Variants in RBL2 observed in about 807,000 individuals in gnomAD.
RBL2 encodes RB transcriptional corepressor like 2, also known as retinoblastoma-like protein 2.
In RBL2, 56 loss-of-function variants were observed where a neutral mutation model predicts 126.0. The observed-to-expected ratio is 0.44, with a 90% CI of 0.36 to 0.56. RBL2 has a LOEUF of 0.56. Among genes scored for constraint, RBL2 ranks in the 20% least tolerant of loss-of-function variants. The probability of loss-of-function intolerance (pLI) is 0.00; values close to 1 mark genes in which losing one functional copy is unlikely to be tolerated. For missense variants in RBL2, 1,229 were observed against 1,398.2 expected (o/e 0.88, Z 1.93); for synonymous variants, 454 against 478.5 (o/e 0.95, Z 0.67).
At chr16:53,461,662 GT>G in intron 9 of RBL2, 78 bp from the exon 10 acceptor site, 1 of 982,296 alleles carries the variant, frequency 1.0e-6, no homozygotes, top group Non-Finnish European at 1.5e-6. Flanking sequence ...TTACATGTTA[GT>G]GAAATTATAG....
chr16:53,469,874 C>A, intron 14 of RBL2, 42 bp from the exon 15 acceptor site: 2 of 1,497,824 alleles, frequency 1.3e-6, no homozygotes, highest in South Asian at 1.4e-5. Flanking sequence ...AGATCTGAGT[C>A]TCCTTGAGTT....
At chr16:53,486,209 G>A (rs1961169726) in intron 21 of RBL2, among the ~76,000 whole-genome samples, 1 of 151,984 alleles carries the variant, frequency 6.6e-6, no homozygotes. Context: ...GCTGAGGTGG[G>A]AGGGTTGCTA....
intron 8 of RBL2, among the ~76,000 whole-genome samples, chr16:53,458,407 C>A (rs1003291668): frequency 4.6e-5 from 7 of 152,154 alleles, no homozygotes; most frequent in Admixed American, 4.6e-4. Flanking sequence ...TATTTATTGT[C>A]AAGAATGTTG....
chr16:53,475,835 CTTTTTTTTTTTTTT>C (rs10540773), intron 17 of RBL2, among the ~76,000 whole-genome samples: 3 of 76,422 alleles, frequency 3.9e-5, no homozygotes, highest in East Asian at 7.0e-4. Flanking sequence ...ATTTCAATAT[CTTTTTTTTTTTTTT>C]TTTTTTTTTT....
intron 7 of RBL2, 96 bp downstream of exon 7, chr16:53,453,865 AG>A (rs2058140265): frequency 8.9e-7 from 1 of 1,120,330 alleles, no homozygotes; most frequent in Non-Finnish European, 1.3e-6. Flanking sequence ...CTGGAAACTG[AG>A]AATATGTTTT....
chr16:53,472,313 T>C (rs1960551400), intron 17 of RBL2, among the ~76,000 whole-genome samples: 1 of 152,198 alleles, frequency 6.6e-6, no homozygotes, highest in Non-Finnish European at 1.5e-5. Context: ...GGTGATACTA[T>C]GTTTAACTTT....
At chr16:53,470,339 C>A (rs755279935) in intron 15 of RBL2, 44 bp from the exon 16 acceptor site, 10 of 1,596,090 alleles carry the variant, frequency 6.3e-6, no homozygotes, top group Non-Finnish European at 8.6e-6. Flanking sequence ...CGGAGAACCT[C>A]TTATTATCAA....
intron 10 of RBL2, 116 bp downstream of exon 10, chr16:53,461,966 A>G: frequency 1.2e-6 from 1 of 860,624 alleles, no homozygotes; most frequent in Non-Finnish European, 1.7e-6. Context: ...GAAGGCTAGG[A>G]TATGGCTGTC....
In RBL2 at chr16:53,461,770, T is replaced by C; in HGVS notation, c.1376T>C (p.Ile459Thr). 1.2e-6 allele frequency: 2 copies of C among 1,608,636 alleles called. No individual in the cohort carries two copies. Among genetic ancestry groups the C allele is most frequent in the Non-Finnish European group, 1.7e-6 (2 of 1,178,074 alleles). The change falls in exon 10 of 22, where the codon ATT (isoleucine) becomes ACT (threonine). Residue 459 changes from isoleucine to threonine, a missense_variant. Coordinates refer to ENST00000262133, the MANE Select transcript of RBL2 (RefSeq NM_005611.4). ...TGTTCCAGAGATCCAACCCAGGCTA[T>C]TGCTAACAGACTGAAAGAAATGTTT... The part of the protein sequence containing the change: ...RTCSRDPTQA[I>T]ANRLKEMFEI...
intron 13 of RBL2, 43 bp downstream of exon 13, chr16:53,465,645 A>G: frequency 7.1e-7 from 1 of 1,404,778 alleles, no homozygotes; most frequent in African/African-American, 1.5e-5. Context: ...ATACATCAAT[A>G]TCTAATCTAT....
intron 17 of RBL2, among the ~76,000 whole-genome samples, chr16:53,475,061 T>C (rs767782090): frequency 6.6e-6 from 1 of 152,370 alleles, no homozygotes; most frequent in East Asian, 1.9e-4. Context: ...GATCATCTGT[T>C]TCTTCTAGAA....
intron 17 of RBL2, among the ~76,000 whole-genome samples, chr16:53,472,698 C>T (rs78302218): frequency 0.025 from 3,862 of 152,210 alleles, 164 homozygotes; most frequent in African/African-American, 0.088. Context: ...TTCACTTACT[C>T]GATAGTGTCA....
rs1598134602 is a variant in RBL2, at chr16:53,484,594, A to G, written c.3249+2759A>G. On this transcript the variant is annotated intron_variant, in intron 21 of 21. Coordinates refer to ENST00000262133, the MANE Select transcript of RBL2 (RefSeq NM_005611.4). Reference sequence around the variant, plus strand: ...AAAGAAGCCAGTCACAAAAGAGAACATATTTTATGATTCCATTTATATGAG... The same window carrying G: ...AAAGAAGCCAGTCACAAAAGAGAACGTATTTTATGATTCCATTTATATGAG... Among the ~76,000 whole-genome samples, 4 of 152,370 alleles carry G rather than the reference A, an allele frequency of 2.6e-5. No individual in the cohort carries two copies. In the South Asian group the frequency reaches 6.2e-4, roughly 24 times the overall value.
chr16:53,439,203 A>G, intron 2 of RBL2, 57 bp downstream of exon 2: 4 of 1,385,202 alleles, frequency 2.9e-6, no homozygotes, highest in Non-Finnish European at 2.9e-6. Context: ...CATAAATCAT[A>G]GTGATAGTAA....
chr16:53,484,435 A>G (rs1425696967), intron 21 of RBL2, among the ~76,000 whole-genome samples: 3 of 152,196 alleles, frequency 2.0e-5, no homozygotes, highest in Admixed American at 6.5e-5. Context: ...GGACCAAACT[A>G]TATGTTGTTT....
Position 53,459,550 on chromosome 16 carries a change from A to G in RBL2, c.1279A>G (p.Ser427Gly), listed in dbSNP as rs950420281. ...AGTTTCTACAGCTACGCATAGCTTG[A>G]GTCGTCTTCACACCATGCTGACAGG... ...TPVSTATHSL[S>G]RLHTMLTGLR... is the part of the protein sequence containing the mutation. The change falls in exon 9 of 22, where the codon AGT (serine) becomes GGT (glycine). Residue 427 changes from serine to glycine, a missense_variant. Physicochemically the swap from Ser to Gly is moderately conservative, Grantham distance 56 (BLOSUM62 0). This residue lies in a region of RBL2 where 1,070 missense variants were observed against 1,274.3 expected (regional missense o/e 0.84). Coordinates refer to ENST00000262133, the MANE Select transcript of RBL2 (RefSeq NM_005611.4). 6.2e-7 allele frequency: 1 copy of G among 1,609,548 alleles called. No homozygotes were observed. Among genetic ancestry groups the G allele is most frequent in the African/African-American group, 1.3e-5 (1 of 74,536 alleles).
At chr16:53,461,438 G>A (rs952053955) in intron 9 of RBL2, among the ~76,000 whole-genome samples, 1 of 152,108 alleles carries the variant, frequency 6.6e-6, no homozygotes, top group African/African-American at 2.4e-5. Context: ...GTTGCAGTGA[G>A]CCAAGACTGC....
rs115120573 is a variant in RBL2, at chr16:53,449,789, G to A, written c.638-1914G>A. Among the ~76,000 whole-genome samples, 876 of 151,998 alleles carry A rather than the reference G, an allele frequency of 5.8e-3. 7 individuals carry two copies. Among genetic ancestry groups the A allele is most frequent in the African/African-American group, 0.02 (840 of 41,486 alleles). ...GGAGATGAAACATTTCTATTTACTT[G>A]TTATCTTTGTTGATTAAAAGATAAA... On this transcript the variant is annotated intron_variant, in intron 4 of 21. Coordinates refer to ENST00000262133, the MANE Select transcript of RBL2 (RefSeq NM_005611.4).
rs1960752262 is a variant in RBL2, at chr16:53,477,077, G to GTC, written c.2704-2076_2704-2075insCT. On this transcript the variant is annotated intron_variant, in intron 17 of 21. Coordinates refer to ENST00000262133, the MANE Select transcript of RBL2 (RefSeq NM_005611.4). ...TCATTTTGTGTGTGTGTGTGTGTGTGTGTGTAGTGGTTGCCCTAGGGCTTA... is the reference window on the plus strand; with the variant it reads ...TCATTTTGTGTGTGTGTGTGTGTGTGTCTGTGTAGTGGTTGCCCTAGGGCTTA... 3.9e-5 allele frequency among the ~76,000 whole-genome samples: 6 copies of GTC among 151,972 alleles called. No homozygotes were observed. The South Asian group carries it at 1.2e-3, about 31-fold the overall frequency.
Sources: allele counts gnomAD v4.1 joint callset (sites outside exome capture counted in the v4.1 genomes callset), GRCh38; gene constraint gnomAD v4.1.1; regional missense constraint gnomAD v4.1.1; transcripts MANE v1.5; gene names NCBI Gene and HGNC (gene_info 2026-07-23, HGNC 2026-07-21).